DCC: variants seen among roughly 807,000 people sequenced by gnomAD.
DCC encodes DCC netrin 1 receptor.
A neutral mutation model predicts 172.5 loss-of-function variants in DCC; 58 were observed. The observed-to-expected ratio is 0.34, with a 90% CI of 0.27 to 0.42. The LOEUF is 0.42. DCC is among the 10% of genes least tolerant of loss of function. The pLI, the probability that DCC is intolerant of heterozygous loss-of-function variation, is 1.00. For missense variants in DCC, 1,740 were observed against 1,791.0 expected, an observed-to-expected ratio of 0.97 and a Z score of 0.51; for synonymous variants, 709 against 644.5, an observed-to-expected ratio of 1.10 and a Z score of -1.52.
In DCC at chr18:52,438,209, C is replaced by G. The variant is rs562144337; in HGVS notation, c.91+97331C>G. 8.7e-4 allele frequency among the ~76,000 whole-genome samples: 132 copies of G among 152,278 alleles called. 1 individual carries two copies. Among genetic ancestry groups the G allele is most frequent in the Non-Finnish European group, 1.4e-3 (95 of 68,022 alleles). On this transcript the variant is annotated intron_variant, in intron 1 of 28. Coordinates refer to ENST00000442544, the MANE Select transcript of DCC (RefSeq NM_005215.4). ...AATTTTCACCACTCCACTGGGTTCT[C>G]AACTGGGTTCTCGACATCTGCAGTG...
chr18:52,928,845 C>A (rs1431041744), intron 5 of DCC, among the ~76,000 whole-genome samples: 2 of 152,054 alleles, frequency 1.3e-5, no homozygotes, highest in African/African-American at 4.8e-5. Flanking sequence ...AGGCACATGC[C>A]CATCTGGACA....
chr18:52,595,854 G>A (rs1257656074), intron 1 of DCC, among the ~76,000 whole-genome samples: 1 of 152,152 alleles, frequency 6.6e-6, no homozygotes, highest in African/African-American at 2.4e-5. Flanking sequence ...AGAGGACCTA[G>A]GACCCAGGTG....
chr18:52,955,710 G>A (rs756967057), intron 5 of DCC, among the ~76,000 whole-genome samples: 6 of 152,236 alleles, frequency 3.9e-5, no homozygotes, highest in Non-Finnish European at 7.4e-5. Flanking sequence ...GCCAGCATTT[G>A]ATATTGTCAG....
intron 1 of DCC, among the ~76,000 whole-genome samples, chr18:52,666,129 G>T (rs2035455553): frequency 6.6e-6 from 1 of 151,750 alleles, no homozygotes; most frequent in Non-Finnish European, 1.5e-5. Context: ...TCTAATAAAA[G>T]AAAAAAATAC....
intron 7 of DCC, among the ~76,000 whole-genome samples, chr18:53,117,054 C>A (rs1018406768): frequency 6.6e-6 from 1 of 151,592 alleles, no homozygotes; most frequent in Non-Finnish European, 1.5e-5. Context: ...CAGTAAAATG[C>A]ATATATAAGT....
At chr18:52,769,520 C>T (rs2037306192) in intron 2 of DCC, among the ~76,000 whole-genome samples, 1 of 152,124 alleles carries the variant, frequency 6.6e-6, no homozygotes, top group Non-Finnish European at 1.5e-5. Context: ...TGTTCTGGAG[C>T]TTGTGTCTTC....
intron 27 of DCC, among the ~76,000 whole-genome samples, chr18:53,502,641 T>C (rs1463627139): frequency 6.6e-6 from 1 of 152,102 alleles, no homozygotes; most frequent in Non-Finnish European, 1.5e-5. Context: ...CTCAAATAAT[T>C]TTACTGTGGA....
chr18:53,025,563 A>G (rs2041943984), intron 5 of DCC, among the ~76,000 whole-genome samples: 1 of 152,128 alleles, frequency 6.6e-6, no homozygotes, highest in Non-Finnish European at 1.5e-5. Context: ...GTTTAATGCC[A>G]ATCCTTATTA....
chr18:53,374,776 A>G (rs1001086206), intron 15 of DCC, among the ~76,000 whole-genome samples: 3 of 152,204 alleles, frequency 2.0e-5, no homozygotes, highest in African/African-American at 7.2e-5. Flanking sequence ...GATAGTCACC[A>G]TGACATATAT....
At chr18:52,589,710 CCAAT>C (rs1480275141) in intron 1 of DCC, among the ~76,000 whole-genome samples, 81 of 152,200 alleles carry the variant, frequency 5.3e-4, no homozygotes, top group African/African-American at 1.9e-3. Context: ...GTTTATAGTG[CCAAT>C]CAATTAGAGC....
chr18:52,842,726 T>C (rs550173635), intron 2 of DCC, among the ~76,000 whole-genome samples: 2 of 152,324 alleles, frequency 1.3e-5, no homozygotes, highest in Non-Finnish European at 2.9e-5. Flanking sequence ...CAGGTGATTT[T>C]GATGCATGCT....
intron 5 of DCC, among the ~76,000 whole-genome samples, chr18:53,058,471 C>T (rs773843471): frequency 3.3e-4 from 50 of 151,956 alleles, no homozygotes; most frequent in African/African-American, 1.2e-3. Flanking sequence ...TTAGAGATGA[C>T]TTTATCAATT....
intron 7 of DCC, among the ~76,000 whole-genome samples, chr18:53,084,812 G>T (rs1222568265): frequency 1.3e-5 from 2 of 152,210 alleles, no homozygotes; most frequent in Non-Finnish European, 2.9e-5. Context: ...ATTTGTTATA[G>T]CAGCTGTAGG....
At chr18:53,222,651 G>T (rs1178689861) in intron 12 of DCC, among the ~76,000 whole-genome samples, 1 of 148,988 alleles carries the variant, frequency 6.7e-6, no homozygotes, top group African/African-American at 2.6e-5. Flanking sequence ...CTCCCAAAAT[G>T]CTAAGATTAC....
chr18:52,374,145 G>A (rs1024367240), intron 1 of DCC, among the ~76,000 whole-genome samples: 2 of 151,872 alleles, frequency 1.3e-5, no homozygotes, highest in African/African-American at 4.8e-5. Context: ...GCCTGCCTCG[G>A]CCTCCCAAAG....
chr18:53,031,032 A>G (rs1305669636), intron 5 of DCC, among the ~76,000 whole-genome samples: 1 of 152,102 alleles, frequency 6.6e-6, no homozygotes, highest in Non-Finnish European at 1.5e-5. Flanking sequence ...GCTGAGGCAG[A>G]TGGATCACGT....
intron 7 of DCC, among the ~76,000 whole-genome samples, chr18:53,113,288 C>T (rs1018792017): frequency 4.0e-5 from 6 of 151,234 alleles, no homozygotes; most frequent in Admixed American, 6.6e-5. Flanking sequence ...CTATAGAACA[C>T]GTAAGATTTA....
rs1273561498 is a variant in DCC, at chr18:52,349,651, C to A, written c.91+8773C>A. Among the ~76,000 whole-genome samples, 3 of 152,128 alleles carry A rather than the reference C, an allele frequency of 2.0e-5. 1 individual carries two copies. The highest frequency in any genetic ancestry group is 1.3e-4 in the Admixed American group (2 of 15,272). On this transcript the variant is annotated intron_variant, in intron 1 of 28. Transcript: ENST00000442544. Reference sequence around the variant, plus strand: ...CTGAGATAGTCCTGTTCTAAATGTTCTTTCCATTACCCTTGTCATCTGGCT... The same window carrying A: ...CTGAGATAGTCCTGTTCTAAATGTTATTTCCATTACCCTTGTCATCTGGCT...
At chr18:52,985,762 T>C (rs1410351513) in intron 5 of DCC, among the ~76,000 whole-genome samples, 1 of 152,148 alleles carries the variant, frequency 6.6e-6, no homozygotes, top group African/African-American at 2.4e-5. Flanking sequence ...TTCTATTTAT[T>C]TATCTTTTGG....
Sources: allele counts gnomAD v4.1 joint callset (sites outside exome capture counted in the v4.1 genomes callset), GRCh38; gene constraint gnomAD v4.1.1; transcripts MANE v1.5; gene names NCBI Gene and HGNC (gene_info 2026-07-23, HGNC 2026-07-21).